The following MAST4 variants were observed in gnomAD, a reference collection of about 807,000 sequenced individuals.
MAST4 encodes the protein microtubule-associated serine/threonine-protein kinase 4.
MAST4 carries 89 observed loss-of-function variants against 162.7 expected under a neutral mutation model. That is an observed-to-expected ratio of 0.55 (90% CI 0.46 to 0.65). The LOEUF is 0.65. Among genes scored for constraint, MAST4 ranks in the 30% least tolerant of loss-of-function variants. The pLI, the probability that MAST4 is intolerant of heterozygous loss-of-function variation, is 0.00. For synonymous variants in MAST4, 1,479 were observed against 1,361.1 expected, an observed-to-expected ratio of 1.09 and a Z score of -1.91; for missense variants, 3,153 against 3,374.0, an observed-to-expected ratio of 0.93 and a Z score of 1.62.
chr5:67,078,935 T>A (rs572619004), intron 5 of MAST4, among the ~76,000 whole-genome samples: 5 of 95,844 alleles, frequency 5.2e-5, no homozygotes, highest in South Asian at 6.1e-4. Context: ...TATATATATA[T>A]ATATATATAT....
intron 1 of MAST4, among the ~76,000 whole-genome samples, chr5:66,753,517 A>C (rs984199111): frequency 1.3e-5 from 2 of 151,870 alleles, no homozygotes; most frequent in Non-Finnish European, 2.9e-5. Context: ...AGAATACTAC[A>C]AACACCTCGA....
Position 66,866,914 on chromosome 5 carries a change from T to G in MAST4, c.643-33037T>G, listed in dbSNP as rs1054961814. 1.5e-4 allele frequency among the ~76,000 whole-genome samples: 17 copies of G among 111,622 alleles called. No homozygotes were observed. In the East Asian group the frequency reaches 3.6e-3, roughly 24 times the overall value. 73.2% of individuals were successfully genotyped at this position (111,622 alleles called of 152,430 possible). A position where few individuals can be genotyped will look rare whatever the true frequency, so the allele number is the denominator to read the frequency against. On this transcript the variant is annotated intron_variant, in intron 3 of 28. Transcript: ENST00000403625. Reference sequence around the variant, plus strand: ...ATAGGCGTGGGCTACCACGGCAGGCTTTTTTGTTTGTTTGTTTGTTTGTTT... The same window carrying G: ...ATAGGCGTGGGCTACCACGGCAGGCGTTTTTGTTTGTTTGTTTGTTTGTTT...
At chr5:66,797,670 A>T (rs2149690331) in intron 3 of MAST4, among the ~76,000 whole-genome samples, 1 of 152,340 alleles carries the variant, frequency 6.6e-6, no homozygotes, top group African/African-American at 2.4e-5. Context: ...GAGAGTTTGC[A>T]GCCATGAGAA....
chr5:66,877,136 G>A (rs1167417191), intron 3 of MAST4, among the ~76,000 whole-genome samples: 3 of 152,114 alleles, frequency 2.0e-5, no homozygotes, highest in Non-Finnish European at 2.9e-5. Flanking sequence ...GATTGAGGAG[G>A]AGGAGTCAGC....
intron 7 of MAST4, among the ~76,000 whole-genome samples, chr5:67,099,202 AT>A (rs1489137241): frequency 2.6e-5 from 4 of 151,208 alleles, no homozygotes; most frequent in Non-Finnish European, 5.9e-5. Flanking sequence ...TCTTGACTTG[AT>A]TTAGTTCATG....
At chr5:66,751,795 G>T (rs1192674579) in intron 1 of MAST4, among the ~76,000 whole-genome samples, 297 of 149,024 alleles carry the variant, frequency 2.0e-3, no homozygotes, top group African/African-American at 5.8e-3. Flanking sequence ...TACAGAGAAC[G>T]CCACAAAGAT....
At chr5:66,659,397 C>G (rs1185956723) in intron 1 of MAST4, among the ~76,000 whole-genome samples, 1 of 152,182 alleles carries the variant, frequency 6.6e-6, no homozygotes, top group Non-Finnish European at 1.5e-5. Context: ...CCATATGTAT[C>G]CATCTCATTT....
At chr5:67,142,562 A>G (rs1012926277) in intron 21 of MAST4, 29 bp downstream of exon 21, 6 of 1,407,624 alleles carry the variant, frequency 4.3e-6, no homozygotes, top group Non-Finnish European at 5.9e-6. Context: ...AAACATACAG[A>G]GTCTCTCTGG....
chr5:66,777,484 C>T (rs763880924), intron 2 of MAST4, among the ~76,000 whole-genome samples: 6 of 152,090 alleles, frequency 3.9e-5, no homozygotes, highest in Non-Finnish European at 5.9e-5. Flanking sequence ...CAAGGTCACA[C>T]GGTGGATACA....
intron 3 of MAST4, among the ~76,000 whole-genome samples, chr5:66,875,045 C>A (rs1292485167): frequency 6.6e-6 from 1 of 152,142 alleles, no homozygotes; most frequent in Non-Finnish European, 1.5e-5. Flanking sequence ...GATTTTTAAG[C>A]ACTAAGGGGA....
chr5:66,788,478 G>C (rs180726015), intron 2 of MAST4, among the ~76,000 whole-genome samples, 192 bp from the exon 3 acceptor site: 16 of 152,294 alleles, frequency 1.1e-4, no homozygotes, highest in Middle Eastern at 3.4e-3. Context: ...GTCAGGGCCA[G>C]ACCCTGCCAC....
intron 4 of MAST4, among the ~76,000 whole-genome samples, chr5:66,928,328 T>C (rs573808158): frequency 4.6e-5 from 7 of 152,296 alleles, no homozygotes; most frequent in East Asian, 1.9e-4. Flanking sequence ...CATAGTCCCA[T>C]TGATAGAGAG....
At chr5:66,817,500 G>A (rs1055614404) in intron 3 of MAST4, among the ~76,000 whole-genome samples, 1 of 152,162 alleles carries the variant, frequency 6.6e-6, no homozygotes, top group Non-Finnish European at 1.5e-5. Flanking sequence ...AAAGCTCAAG[G>A]AAGTGAGAGT....
At chr5:66,933,272 TTCATAATTTGAC>T (rs1742363804) in intron 4 of MAST4, among the ~76,000 whole-genome samples, 1 of 152,214 alleles carries the variant, frequency 6.6e-6, no homozygotes, top group African/African-American at 2.4e-5. Context: ...ACGAACTGTT[TTCATAATTTGAC>T]TCACTGGAAG....
At chr5:66,638,250 T>TG (rs1745251038) in intron 1 of MAST4, among the ~76,000 whole-genome samples, 1 of 152,130 alleles carries the variant, frequency 6.6e-6, no homozygotes, top group Admixed American at 6.6e-5. Flanking sequence ...CCAGGAATGG[T>TG]GGGAGTGATC....
At chr5:67,078,912 A>ATAAATATATATATATAT (rs1491260351) in intron 5 of MAST4, among the ~76,000 whole-genome samples, 3 of 9,126 alleles carry the variant, frequency 3.3e-4, no homozygotes, top group East Asian at 6.1e-3. Context: ...TTTTATATAA[A>ATAAATATATATATATAT]TATATATATA....
chr5:67,030,092 G>A (rs1054624451), intron 4 of MAST4, among the ~76,000 whole-genome samples: 26 of 152,148 alleles, frequency 1.7e-4, no homozygotes, highest in African/African-American at 6.0e-4. Context: ...ATATTTAGGA[G>A]CATCTAGGAA....
intron 27 of MAST4, 30 bp from the exon 28 acceptor site, chr5:67,162,577 A>G: frequency 6.2e-7 from 1 of 1,609,208 alleles, no homozygotes; most frequent in Non-Finnish European, 8.5e-7. Flanking sequence ...CTGAAAGAAG[A>G]CTGAACAATT....
At chr5:66,979,179 C>T (rs1452040162) in intron 4 of MAST4, among the ~76,000 whole-genome samples, 1 of 152,134 alleles carries the variant, frequency 6.6e-6, no homozygotes, top group East Asian at 1.9e-4. Flanking sequence ...AATGATGGCA[C>T]AGCAGCCAAG....
Sources: gnomAD v4.1 joint callset for allele counts (sites outside exome capture counted in the v4.1 genomes callset) on GRCh38, gnomAD v4.1.1 for gene constraint, MANE v1.5 for transcripts, NCBI Gene and HGNC (gene_info 2026-07-23, HGNC 2026-07-21) for gene names.